DAPL1: variants seen among roughly 807,000 people sequenced by gnomAD.
The protein encoded by DAPL1 is death-associated protein-like 1.
DAPL1 carries 17 observed loss-of-function variants against 12.9 expected under a neutral mutation model. That is an observed-to-expected ratio of 1.32 (90% CI 0.90 to 1.98). DAPL1 has a LOEUF of 1.98. Among genes scored for constraint, DAPL1 ranks in the 30% most tolerant of loss-of-function variants. The pLI, the probability that DAPL1 is intolerant of heterozygous loss-of-function variation, is 0.00. For synonymous variants in DAPL1, 51 were observed against 42.0 expected (o/e 1.21, Z -0.82); for missense variants, 157 against 125.7 (o/e 1.25, Z -1.19).
chr2:158,799,558 C>T (rs1333916745), intron 1 of DAPL1, among the ~76,000 whole-genome samples: 1 of 152,066 alleles, frequency 6.6e-6, no homozygotes, highest in African/African-American at 2.4e-5. Flanking sequence ...AGATAACCCT[C>T]CCACAAACTG....
At chr2:158,814,931 C>T (rs933005669) in intron 3 of DAPL1, among the ~76,000 whole-genome samples, 2 of 152,126 alleles carry the variant, frequency 1.3e-5, no homozygotes, top group East Asian at 3.8e-4. Flanking sequence ...CCAAATTCTC[C>T]TCCTAGGAAA....
At chr2:158,806,991 C>A in intron 2 of DAPL1, 64 bp from the exon 3 acceptor site, 2 of 1,196,300 alleles carry the variant, frequency 1.7e-6, no homozygotes, top group Non-Finnish European at 2.5e-6. Flanking sequence ...CTCTATAAAT[C>A]ATGTGGCCTT....
At chr2:158,805,720 T>C (rs879813359) in intron 2 of DAPL1, among the ~76,000 whole-genome samples, 1 of 148,598 alleles carries the variant, frequency 6.7e-6, no homozygotes, top group African/African-American at 2.4e-5. Flanking sequence ...CACTGAACAA[T>C]GCAGGCAGGG....
At chr2:158,798,387 T>C (rs2059146663) in intron 1 of DAPL1, among the ~76,000 whole-genome samples, 1 of 152,204 alleles carries the variant, frequency 6.6e-6, no homozygotes, top group Non-Finnish European at 1.5e-5. Flanking sequence ...TCTGCTCAAG[T>C]CAACTTGGGG....
intron 3 of DAPL1, among the ~76,000 whole-genome samples, chr2:158,809,701 G>A (rs993981888): frequency 1.3e-5 from 2 of 152,202 alleles, no homozygotes; most frequent in African/African-American, 2.4e-5. Flanking sequence ...CCCTCAGCAA[G>A]TGATATCTTC....
At chr2:158,807,287 G>T (rs878910577) in intron 3 of DAPL1, among the ~76,000 whole-genome samples, 172 bp downstream of exon 3, 1 of 152,222 alleles carries the variant, frequency 6.6e-6, no homozygotes, top group Non-Finnish European at 1.5e-5. Context: ...AGTGGGAAAA[G>T]CTGCTTCTCT....
At chr2:158,807,177 G>A (rs754666355) in intron 3 of DAPL1, 62 bp downstream of exon 3, 2 of 1,353,414 alleles carry the variant, frequency 1.5e-6, no homozygotes, top group Non-Finnish European at 2.1e-6. Context: ...CCAGCTGCAT[G>A]GGTGAATGAG....
intron 1 of DAPL1, among the ~76,000 whole-genome samples, chr2:158,800,710 G>A (rs544081332): frequency 3.2e-4 from 49 of 152,216 alleles, no homozygotes; most frequent in African/African-American, 1.2e-3. Context: ...TGCTTCTTCA[G>A]GAGTTATCTT....
At chr2:158,811,415 A>G (rs769951554) in intron 3 of DAPL1, among the ~76,000 whole-genome samples, 9 of 152,202 alleles carry the variant, frequency 5.9e-5, no homozygotes, top group Non-Finnish European at 1.3e-4. Flanking sequence ...AAGATGAATG[A>G]AAGTGCTGCC....
intron 1 of DAPL1, among the ~76,000 whole-genome samples, chr2:158,802,586 C>A (rs145251048): frequency 5.3e-5 from 8 of 152,268 alleles, no homozygotes; most frequent in African/African-American, 1.9e-4. Context: ...TTCTTTACAT[C>A]AGTAGAATAA....
intron 1 of DAPL1, among the ~76,000 whole-genome samples, chr2:158,799,712 T>A (rs981389966): frequency 1.3e-5 from 2 of 152,150 alleles, no homozygotes; most frequent in Non-Finnish European, 2.9e-5. Flanking sequence ...ACAAGTTTGG[T>A]ACAAGAACTC....
In DAPL1 at chr2:158,805,903, T is replaced by C. The variant is rs766039020; in HGVS notation, c.147-1152T>C. ...CAGGTTATGCGGAGCTTGAATCTTA[T>C]GGACTTTCAGGGCCATTTTAAAAGA... On this transcript the variant is annotated intron_variant, in intron 2 of 3. Coordinates refer to ENST00000309950, the MANE Select transcript of DAPL1 (RefSeq NM_001017920.3). Among the ~76,000 whole-genome samples, 205 of 148,634 alleles carry C rather than the reference T, an allele frequency of 1.4e-3. 25 individuals carry two copies. Among genetic ancestry groups the C allele is most frequent in the Admixed American group, 8.1e-4 (12 of 14,842 alleles).
At chr2:158,799,247 A>T (rs1439479780) in intron 1 of DAPL1, among the ~76,000 whole-genome samples, 1 of 152,188 alleles carries the variant, frequency 6.6e-6, no homozygotes, top group Non-Finnish European at 1.5e-5. Flanking sequence ...GTCTTAATTT[A>T]CATATTTGTA....
Position 158,795,344 on chromosome 2 carries a change from C to G in DAPL1, c.-29C>G. On this transcript the variant is annotated 5_prime_UTR_variant, in exon 1 of 4. Coordinates refer to ENST00000309950, the MANE Select transcript of DAPL1 (RefSeq NM_001017920.3). ...AGCTGGCATTCAGCCTCCAGAGCACCAGCACTGGCACTGGCACTGGCACAC... is the reference window on the plus strand; with the variant it reads ...AGCTGGCATTCAGCCTCCAGAGCACGAGCACTGGCACTGGCACTGGCACAC... 1.3e-6 allele frequency: 2 copies of G among 1,552,284 alleles called. No homozygotes were observed. The highest frequency in any genetic ancestry group is 1.7e-6 in the Non-Finnish European group (2 of 1,147,292).
chr2:158,814,886 C>G (rs2059251907), intron 3 of DAPL1, among the ~76,000 whole-genome samples: 1 of 152,122 alleles, frequency 6.6e-6, no homozygotes, highest in Non-Finnish European at 1.5e-5. Flanking sequence ...GGCTTGGAAA[C>G]CAAGAACTAG....
At chr2:158,804,705 C>A (rs899723672) in intron 2 of DAPL1, among the ~76,000 whole-genome samples, 1 of 152,226 alleles carries the variant, frequency 6.6e-6, no homozygotes, top group Non-Finnish European at 1.5e-5. Flanking sequence ...TCAGATCAGC[C>A]TTTAAAATAT....
intron 3 of DAPL1, among the ~76,000 whole-genome samples, chr2:158,813,730 T>A (rs1439416961): frequency 6.6e-6 from 1 of 152,102 alleles, no homozygotes; most frequent in East Asian, 1.9e-4. Context: ...TAATTTTTCA[T>A]ATTTTTAGTA....
rs201038370 is a variant in DAPL1 at position 158,815,859 on chromosome 2, C to T, written c.*38C>T. 378 of 1,443,626 alleles carry T rather than the reference C, an allele frequency of 2.6e-4. 1 individual carries two copies. In the East Asian group the frequency reaches 2.7e-3, roughly 10 times the overall value. 89.4% of individuals were successfully genotyped at this position (1,443,626 alleles called of 1,614,324 possible). A position where few individuals can be genotyped will look rare whatever the true frequency, so the allele number is the denominator to read the frequency against. ...AACACAGCCGTCTGGCCAGCTGCCT[C>T]GAATATCTGACAGCTTAGCAAAAAG... On this transcript the variant is annotated 3_prime_UTR_variant, in exon 4 of 4. Transcript: ENST00000309950.
intron 3 of DAPL1, among the ~76,000 whole-genome samples, chr2:158,807,942 A>G (rs1439369054): frequency 1.3e-5 from 2 of 152,138 alleles, no homozygotes; most frequent in Non-Finnish European, 2.9e-5. Flanking sequence ...CACCTCACCC[A>G]GCCATATGTC....
Sources: gnomAD v4.1 joint callset for allele counts (sites outside exome capture counted in the v4.1 genomes callset) on GRCh38, gnomAD v4.1.1 for gene constraint, MANE v1.5 for transcripts, NCBI Gene and HGNC (gene_info 2026-07-23, HGNC 2026-07-21) for gene names.